MGA: variants seen among roughly 807,000 people sequenced by gnomAD.
MGA encodes the protein MAX dimerization protein MGA.
Under a neutral mutation model 261.1 loss-of-function variants are expected in MGA, and 40 were observed. That is an observed-to-expected ratio of 0.15 (90% CI 0.12 to 0.20). The LOEUF is 0.20. Ranked by LOEUF, MGA falls within the 10% of genes least tolerant of loss-of-function variation. MGA has a pLI of 1.00. For synonymous variants in MGA, 1,302 were observed against 1,290.6 expected (o/e 1.01, Z -0.19); for missense variants, 3,397 against 3,630.5 (o/e 0.94, Z 1.65).
intron 1 of MGA, chr15:41,621,670 G>C (rs1440074283): frequency 6.6e-6 from 1 of 151,138 alleles, no homozygotes; most frequent in African/African-American, 2.4e-5. Flanking sequence ...GAAGTGTTAA[G>C]AGTCTGGGTG....
intron 2 of MGA, chr15:41,684,547 A>C (rs2058846447): frequency 3.1e-6 from 1 of 319,154 alleles, no homozygotes. Context: ...GAGTGTTTAT[A>C]ACTTACCAAG....
intron 1 of MGA, among the ~76,000 whole-genome samples, chr15:41,645,522 T>G (rs888982580): frequency 6.6e-6 from 1 of 152,144 alleles, no homozygotes; most frequent in African/African-American, 2.4e-5. Flanking sequence ...AGGTGGAGGT[T>G]GCAGTGAGCT....
upstream of MGA, among the ~76,000 whole-genome samples, chr15:41,657,986 G>C (rs1000677547): frequency 1.3e-5 from 2 of 152,148 alleles, no homozygotes; most frequent in Non-Finnish European, 2.9e-5. Context: ...TGGGGTGCCA[G>C]CCTTTCCCCT....
chr15:41,692,146 T>G (rs2059323571), intron 2 of MGA, among the ~76,000 whole-genome samples: 1 of 152,186 alleles, frequency 6.6e-6, no homozygotes, highest in Non-Finnish European at 1.5e-5. Context: ...TCAGTCTAGG[T>G]GATTTCAAGT....
chr15:41,719,623 T>TC (rs2060834192), intron 9 of MGA, among the ~76,000 whole-genome samples: 3 of 152,044 alleles, frequency 2.0e-5, no homozygotes, highest in African/African-American at 7.2e-5. Context: ...GCACCTGTAG[T>TC]CCGAGCTACT....
At chr15:41,720,844 A>G (rs1383443069) in intron 9 of MGA, among the ~76,000 whole-genome samples, 3 of 152,172 alleles carry the variant, frequency 2.0e-5, no homozygotes, top group Admixed American at 2.0e-4. Flanking sequence ...ATAAAATAAA[A>G]TAATACTGTA....
intron 1 of MGA, among the ~76,000 whole-genome samples, chr15:41,629,051 C>T (rs1028105027): frequency 1.5e-5 from 2 of 136,986 alleles, no homozygotes; most frequent in Non-Finnish European, 3.0e-5. Flanking sequence ...AATCATAATG[C>T]ATTGAAAAAG....
At position 41,736,499 on chromosome 15, in the gene MGA, C is replaced by T; in HGVS notation, c.4235C>T (p.Ser1412Phe). ...GACCAAGATGATATGGCTGAGAAAT[C>T]TGGATCAGAGACTCCTGATGGTCCA... is the stretch of plus-strand genomic sequence containing the variant. Residue 1412 changes from serine to phenylalanine, a missense_variant, in exon 13 of 24, where the codon TCT becomes TTT. This residue lies in a region of MGA where 1,410 missense variants were observed against 1,386.4 expected (regional missense o/e 1.02). Transcript: ENST00000219905. 1 of 1,614,018 alleles carries T rather than the reference C, an allele frequency of 6.2e-7. No individual in the cohort carries two copies. Among genetic ancestry groups the T allele is most frequent in the South Asian group, 1.1e-5 (1 of 91,082 alleles).
chr15:41,655,377 T>C (rs542905110), intron 1 of MGA, among the ~76,000 whole-genome samples: 8 of 151,922 alleles, frequency 5.3e-5, no homozygotes, highest in Non-Finnish European at 1.0e-4. Context: ...CTTGCTGTGT[T>C]GGCAAGGCTG....
At position 41,762,231 on chromosome 15, in the gene MGA, T is replaced by C. The variant is rs779348867; in HGVS notation, c.7613T>C (p.Phe2538Ser). ...AAAAAGAAGATGGGATCAGATGAGT[T>C]TGACATATCTCCCAGAATTAGCAAA... Residue 2538 changes from phenylalanine to serine, a missense_variant, in exon 22 of 24, where the codon TTT becomes TCT. By Grantham distance (155) the Phe-to-Ser change is radical (BLOSUM62 -2). This residue lies in a region of MGA where 647 missense variants were observed against 642.4 expected (regional missense o/e 1.01). Transcript: ENST00000219905. The C allele has an allele frequency of 2.5e-6, 4 of 1,613,930 alleles. No individual in the cohort carries two copies. The South Asian group carries it at 3.3e-5, about 13-fold the overall frequency.
chr15:41,732,447 C>G (rs538297131), intron 11 of MGA, among the ~76,000 whole-genome samples: 89 of 152,260 alleles, frequency 5.8e-4, no homozygotes, highest in African/African-American at 2.1e-3. Context: ...CGTGCCCGGC[C>G]TGTTATCCTT....
rs2063733855 is a variant in MGA, at chr15:41,765,149, TG to T, written c.7921+88del. On this transcript the variant is annotated intron_variant, in intron 23 of 23. Coordinates refer to ENST00000219905, the MANE Select transcript of MGA (RefSeq NM_001164273.2). ...ACCAAGGAAGGCTTTGGATGTGTTC[TG>T]TAATGATAAAGAGCTATTCTGTTGG... The T allele has an allele frequency of 8.7e-5, 125 of 1,434,388 alleles. No individual in the cohort carries two copies. In the South Asian group the frequency reaches 1.3e-3, roughly 15 times the overall value. 88.9% of individuals were successfully genotyped at this position (1,434,388 alleles called of 1,614,324 possible). A position where few individuals can be genotyped will look rare whatever the true frequency, so the allele number is the denominator to read the frequency against.
intron 5 of MGA, among the ~76,000 whole-genome samples, chr15:41,703,368 A>ACCC (rs71108121): frequency 0.053 from 4,901 of 93,140 alleles, 1,051 homozygotes; most frequent in East Asian, 0.26. Flanking sequence ...TTGTGAAGTT[A>ACCC]CCCCCCCCCC....
chr15:41,695,945 T>G lies in MGA; in HGVS notation c.1065-130T>G. 5.8e-6 allele frequency: 4 copies of G among 692,444 alleles called. No individual in the cohort carries two copies. The South Asian group carries it at 9.1e-5, about 16-fold the overall frequency. The allele number at this position is 692,444 out of a possible 1,614,324, so 42.9% of individuals were successfully genotyped here. A position where few individuals can be genotyped will look rare whatever the true frequency, so the allele number is the denominator to read the frequency against. ...TGTGGATTTTTAGAGTTTTTGAGTG[T>G]TTTTGAGGAATGGCTCAGGAAATCT... On this transcript the variant is annotated intron_variant, in intron 2 of 23. Coordinates refer to ENST00000219905, the MANE Select transcript of MGA (RefSeq NM_001164273.2).
intron 2 of MGA, among the ~76,000 whole-genome samples, chr15:41,670,383 C>A (rs1042823660): frequency 6.6e-6 from 1 of 152,072 alleles, no homozygotes; most frequent in African/African-American, 2.4e-5. Context: ...AAGACAAATA[C>A]TGCAAAATAT....
chr15:41,760,496 T>C lies in MGA; in HGVS notation c.7365T>C (p.Ser2455=). Residue 2455 remains serine (S), a synonymous_variant, in exon 20 of 24, where the codon TCT becomes TCC. Coordinates refer to ENST00000219905, the MANE Select transcript of MGA (RefSeq NM_001164273.2). ...AGATCACATTGGGATTACTTCATTC[T>C]TCCAAGGTTTCCAAAAGTCTCATTC... The C allele has an allele frequency of 6.2e-7, 1 of 1,614,038 alleles. No individual in the cohort carries two copies. Among genetic ancestry groups the C allele is most frequent in the Non-Finnish European group, 8.5e-7 (1 of 1,179,890 alleles).
chr15:41,679,390 A>G (rs568732024), intron 2 of MGA, among the ~76,000 whole-genome samples: 2 of 152,284 alleles, frequency 1.3e-5, no homozygotes, highest in South Asian at 4.1e-4. Flanking sequence ...GATTTTGATA[A>G]GGATTTTGTT....
intron 2 of MGA, among the ~76,000 whole-genome samples, chr15:41,694,252 C>T (rs1269995982): frequency 6.6e-6 from 1 of 151,788 alleles, no homozygotes; most frequent in Non-Finnish European, 1.5e-5. Context: ...CCTATCTCTA[C>T]TAAAAATACA....
chr15:41,709,033 T>C (rs1339213611), intron 7 of MGA, among the ~76,000 whole-genome samples: 1 of 152,198 alleles, frequency 6.6e-6, no homozygotes, highest in Non-Finnish European at 1.5e-5. Flanking sequence ...CTGTACTTAA[T>C]TTTTTTGTTT....
Sources: gnomAD v4.1 joint callset for allele counts (sites outside exome capture counted in the v4.1 genomes callset) on GRCh38, gnomAD v4.1.1 for gene constraint, gnomAD v4.1.1 regional missense constraint, MANE v1.5 for transcripts, NCBI Gene and HGNC (gene_info 2026-07-23, HGNC 2026-07-21) for gene names.